PCDH9: variants seen among roughly 807,000 people sequenced by gnomAD.
PCDH9 encodes protocadherin 9, also known as protocadherin-9.
A neutral mutation model predicts 70.6 loss-of-function variants in PCDH9; 24 were observed. The observed-to-expected ratio is 0.34, with a 90% CI of 0.25 to 0.48. The LOEUF (loss-of-function observed/expected upper bound fraction) is 0.48. PCDH9 is among the 20% of genes least tolerant of loss of function. The probability of loss-of-function intolerance (pLI) is 0.99; values close to 1 mark genes in which losing one functional copy is unlikely to be tolerated. For missense variants in PCDH9, 1,281 were observed against 1,503.6 expected (o/e 0.85, Z 2.45); for synonymous variants, 562 against 558.5 (o/e 1.01, Z -0.09).
chr13:66,533,849 C>T (rs963217654), intron 4 of PCDH9, among the ~76,000 whole-genome samples: 1 of 152,084 alleles, frequency 6.6e-6, no homozygotes, highest in South Asian at 2.1e-4. Context: ...AAACATATGG[C>T]CCACATTGAA....
chr13:66,836,739 C>T (rs2081027923), intron 3 of PCDH9, among the ~76,000 whole-genome samples: 1 of 152,158 alleles, frequency 6.6e-6, no homozygotes, highest in Non-Finnish European at 1.5e-5. Context: ...ATAAATCCAT[C>T]AGGGACTTGC....
intron 4 of PCDH9, among the ~76,000 whole-genome samples, chr13:66,601,770 A>G (rs1449847844): frequency 6.9e-6 from 1 of 145,966 alleles, no homozygotes; most frequent in African/African-American, 2.5e-5. Flanking sequence ...TGGAACTGAG[A>G]AAATCCTATT....
At chr13:66,307,343 T>C (rs1382531187) in intron 4 of PCDH9, among the ~76,000 whole-genome samples, 1 of 152,072 alleles carries the variant, frequency 6.6e-6, no homozygotes, top group Non-Finnish European at 1.5e-5. Flanking sequence ...AATTAAACTT[T>C]TATGAGGTTG....
At chr13:66,859,482 C>T (rs1056448214) in intron 3 of PCDH9, among the ~76,000 whole-genome samples, 2 of 152,120 alleles carry the variant, frequency 1.3e-5, no homozygotes, top group African/African-American at 4.8e-5. Context: ...CTTATAAAAA[C>T]TATCTATGGG....
At chr13:66,320,540 A>C in intron 4 of PCDH9, among the ~76,000 whole-genome samples, 1 of 152,016 alleles carries the variant, frequency 6.6e-6, no homozygotes, top group East Asian at 1.9e-4. Flanking sequence ...TTCGGTTCAA[A>C]ATCAATCACT....
chr13:66,432,284 G>C (rs1372898150), intron 4 of PCDH9, among the ~76,000 whole-genome samples: 2 of 151,948 alleles, frequency 1.3e-5, no homozygotes, highest in Non-Finnish European at 2.9e-5. Context: ...AGACCCAATA[G>C]AAGAATATCA....
chr13:66,338,225 T>C (rs1370076481), intron 4 of PCDH9, among the ~76,000 whole-genome samples: 2 of 152,082 alleles, frequency 1.3e-5, no homozygotes, highest in African/African-American at 4.8e-5. Context: ...TCCCGCTCTT[T>C]CTTTTTCCTC....
intron 2 of PCDH9, among the ~76,000 whole-genome samples, chr13:67,005,460 C>T (rs930030017): frequency 6.6e-6 from 1 of 152,122 alleles, no homozygotes. Flanking sequence ...GTCATTAGAA[C>T]TCATTCCCCT....
At chr13:67,043,576 T>C (rs1452108495) in intron 2 of PCDH9, among the ~76,000 whole-genome samples, 1 of 152,088 alleles carries the variant, frequency 6.6e-6, no homozygotes, top group Admixed American at 6.6e-5. Flanking sequence ...GAGATAAAAA[T>C]AAGCAATAGC....
intron 2 of PCDH9, among the ~76,000 whole-genome samples, chr13:67,198,628 TA>T (rs1330285437): frequency 1.3e-5 from 2 of 151,910 alleles, no homozygotes; most frequent in Admixed American, 6.6e-5. Flanking sequence ...AGGTAATCTA[TA>T]AAAACTCATT....
chr13:66,800,617 G>T lies in PCDH9; in HGVS notation c.3138+102887C>A, dbSNP rs374619997. Among the ~76,000 whole-genome samples, 9 of 152,200 alleles carry T rather than the reference G, an allele frequency of 5.9e-5. No homozygotes were observed. The East Asian group carries it at 1.2e-3, about 20-fold the overall frequency. On this transcript the variant is annotated intron_variant, in intron 3 of 4. Coordinates refer to ENST00000377865, the MANE Select transcript of PCDH9 (RefSeq NM_203487.3). The stretch of plus-strand genomic sequence containing the variant: ...CATACGCCAAATGGATAAATAAAAA[G>T]TACTTTGCTAATCTAAAAATTTGTA...
chr13:66,645,670 A>G (rs917533762), intron 3 of PCDH9, among the ~76,000 whole-genome samples: 2 of 152,174 alleles, frequency 1.3e-5, no homozygotes, highest in Non-Finnish European at 2.9e-5. Context: ...AGAAAAGTTG[A>G]GACTCCCTAG....
At chr13:67,158,130 T>C (rs1001380886) in intron 2 of PCDH9, among the ~76,000 whole-genome samples, 2 of 152,194 alleles carry the variant, frequency 1.3e-5, no homozygotes, top group South Asian at 4.1e-4. Flanking sequence ...ACATAATTAG[T>C]ATCACTAGAC....
intron 2 of PCDH9, among the ~76,000 whole-genome samples, chr13:66,921,020 T>C (rs1392258516): frequency 1.3e-5 from 2 of 151,170 alleles, no homozygotes. Context: ...GAAGGTTTCT[T>C]CTTTGACTGA....
chr13:66,324,601 C>T (rs1955810266), intron 4 of PCDH9, among the ~76,000 whole-genome samples: 1 of 151,700 alleles, frequency 6.6e-6, no homozygotes, highest in African/African-American at 2.4e-5. Context: ...ATTACAATAG[C>T]CTAAAGTGAA....
intron 4 of PCDH9, among the ~76,000 whole-genome samples, chr13:66,467,525 A>G (rs1367171592): frequency 6.6e-6 from 1 of 152,030 alleles, no homozygotes; most frequent in Non-Finnish European, 1.5e-5. Context: ...CAGCCAGCTT[A>G]CATCAGTGTG....
chr13:66,676,286 A>T (rs1227930574), intron 3 of PCDH9, among the ~76,000 whole-genome samples: 1 of 152,154 alleles, frequency 6.6e-6, no homozygotes, highest in East Asian at 1.9e-4. Context: ...GTGACTCATT[A>T]AATAACCCAT....
At chr13:67,140,910 G>A (rs971290125) in intron 2 of PCDH9, among the ~76,000 whole-genome samples, 5 of 151,918 alleles carry the variant, frequency 3.3e-5, no homozygotes, top group Non-Finnish European at 5.9e-5. Context: ...TTCTTTCCTC[G>A]GTCAGTTTTA....
chr13:66,604,497 G>C (rs986680470), intron 4 of PCDH9, among the ~76,000 whole-genome samples: 2 of 151,820 alleles, frequency 1.3e-5, no homozygotes, highest in Admixed American at 6.6e-5. Context: ...TGTGATTTCA[G>C]GTACATTTTA....
Sources: gnomAD v4.1 joint callset for allele counts (sites outside exome capture counted in the v4.1 genomes callset) on GRCh38, gnomAD v4.1.1 for gene constraint, MANE v1.5 for transcripts, NCBI Gene and HGNC (gene_info 2026-07-23, HGNC 2026-07-21) for gene names.